The following FAM3B variants were observed in gnomAD, a reference collection of about 807,000 sequenced individuals.
The protein encoded by FAM3B is FAM3 metabolism regulating signaling molecule B.
Under a neutral mutation model 28.4 loss-of-function variants are expected in FAM3B, and 29 were observed. The observed-to-expected ratio is 1.02, with a 90% confidence interval of 0.76 to 1.39. FAM3B has a LOEUF of 1.39. Ranked by LOEUF, FAM3B falls within the 40% of genes most tolerant of loss-of-function variation. The pLI is 0.00. For missense variants in FAM3B, 266 were observed against 293.9 expected (o/e 0.91, Z 0.69); for synonymous variants, 91 against 103.0 (o/e 0.88, Z 0.71).
rs755575920 is a variant in FAM3B, at chr21:41,357,540, C to G, written c.*343C>G. On this transcript the variant is annotated 3_prime_UTR_variant, in exon 8 of 8. Coordinates refer to ENST00000357985, the MANE Select transcript of FAM3B (RefSeq NM_058186.4). ...TGACCCCTGTGTGGTCCAGACAGCCCTGCAGAGAGAAAACCTTTATTCCAT... is the reference window on the plus strand; with the variant it reads ...TGACCCCTGTGTGGTCCAGACAGCCGTGCAGAGAGAAAACCTTTATTCCAT... The G allele has an allele frequency of 6.0e-6, 1 of 166,258 alleles. No individual in the cohort carries two copies. Among genetic ancestry groups the G allele is most frequent in the Non-Finnish European group, 1.3e-5 (1 of 76,876 alleles). 10.3% of individuals were successfully genotyped at this position (166,258 alleles called of 1,614,324 possible).
At chr21:41,324,727 C>T (rs535622390) in intron 2 of FAM3B, among the ~76,000 whole-genome samples, 38 of 152,264 alleles carry the variant, frequency 2.5e-4, no homozygotes, top group African/African-American at 9.1e-4. Context: ...TCAGAGTCTA[C>T]TAGAGAAGAA....
upstream of FAM3B, among the ~76,000 whole-genome samples, chr21:41,313,270 C>A (rs988247330): frequency 6.6e-6 from 1 of 152,186 alleles, no homozygotes. Flanking sequence ...ATATATATAA[C>A]CCTATAACCT....
rs527743298 is a variant in FAM3B at position 41,305,565 on chromosome 21, C to T, written n.99+1255C>T. ...AGATATTGCAGATTTGGTTCTAGAC[C>T]ACTGCAATAAAGCCAATATCACAAT... On this transcript the variant is annotated intron_variant and non_coding_transcript_variant, in intron 1 of 9. Transcript: ENST00000479810. Among the ~76,000 whole-genome samples, 204 of 152,110 alleles carry T rather than the reference C, an allele frequency of 1.3e-3. 1 individual carries two copies. Among genetic ancestry groups the T allele is most frequent in the Non-Finnish European group, 2.7e-3 (181 of 68,020 alleles).
In FAM3B at chr21:41,306,702, A is replaced by G. The variant is rs190889771; in HGVS notation, n.99+2392A>G. Among the ~76,000 whole-genome samples, 14 of 152,268 alleles carry G rather than the reference A, an allele frequency of 9.2e-5. No homozygotes were observed. The East Asian group carries it at 2.7e-3, about 29-fold the overall frequency. ...GCTGTAAACAGACGGGCTGTCATCT[A>G]GGCTTTGTTTTTCCATTTCTGGACC... On this transcript the variant is annotated intron_variant and non_coding_transcript_variant, in intron 1 of 9. Transcript: ENST00000479810.
chr21:41,355,387 ATTAT>A (rs2089156377), intron 7 of FAM3B, among the ~76,000 whole-genome samples: 3 of 152,252 alleles, frequency 2.0e-5, no homozygotes, highest in Admixed American at 2.0e-4. Flanking sequence ...GCATAGCAAC[ATTAT>A]TTATAATAGC....
chr21:41,322,543 C>G (rs2088816224), intron 1 of FAM3B: 2 of 712,274 alleles, frequency 2.8e-6, no homozygotes, highest in Non-Finnish European at 5.2e-6. Context: ...GTGCTCAAAT[C>G]CAGTTGTGTC....
Position 41,317,310 on chromosome 21 carries a change from C to T in FAM3B, c.19+412C>T, listed in dbSNP as rs537031806. On this transcript the variant is annotated intron_variant, in intron 1 of 7. Coordinates refer to ENST00000357985, the MANE Select transcript of FAM3B (RefSeq NM_058186.4). The stretch of plus-strand genomic sequence containing the variant: ...CTTCCGGGGAAGGGTACGCGCCTGC[C>T]CCTGCCCCTGACCTTGCACGCCAGG... 4.4e-4 allele frequency among the ~76,000 whole-genome samples: 67 copies of T among 151,512 alleles called. 1 individual carries two copies. In the East Asian group the frequency reaches 0.012, roughly 28 times the overall value.
At chr21:41,356,062 C>T (rs960643299) in intron 7 of FAM3B, among the ~76,000 whole-genome samples, 1 of 150,186 alleles carries the variant, frequency 6.7e-6, no homozygotes, top group African/African-American at 2.5e-5. Flanking sequence ...CACACACACA[C>T]ACACACACAC....
chr21:41,313,015 CCTT>C (rs1470316517), upstream of FAM3B, among the ~76,000 whole-genome samples: 3 of 152,242 alleles, frequency 2.0e-5, no homozygotes, highest in Admixed American at 6.5e-5. Context: ...TCATCCTAGT[CCTT>C]CTGAAGGAGG....
chr21:41,346,676 G>GTT (rs559775653), intron 5 of FAM3B, among the ~76,000 whole-genome samples: 1 of 149,250 alleles, frequency 6.7e-6, no homozygotes, highest in African/African-American at 2.5e-5. Context: ...TCTAAGGAGG[G>GTT]TTTTTTTTTT....
chr21:41,355,549 G>A (rs1042347910), intron 7 of FAM3B, among the ~76,000 whole-genome samples: 1 of 124,386 alleles, frequency 8.0e-6, no homozygotes, highest in Non-Finnish European at 1.8e-5. Context: ...TTGAAAACAG[G>A]CTAAGTGAAA....
At chr21:41,351,143 A>G (rs1483550153) in intron 7 of FAM3B, among the ~76,000 whole-genome samples, 3 of 152,234 alleles carry the variant, frequency 2.0e-5, no homozygotes, top group Admixed American at 2.0e-4. Flanking sequence ...GTTCTTCATT[A>G]ATGTTTAAGT....
At chr21:41,347,150 G>A (rs2089068703) in intron 6 of FAM3B, 50 bp downstream of exon 6, 2 of 1,524,870 alleles carry the variant, frequency 1.3e-6, no homozygotes, top group Non-Finnish European at 1.8e-6. Context: ...AGCCAGCTGG[G>A]GCAGAGGCTG....
In FAM3B at chr21:41,353,319, A is replaced by G. The variant is rs140348844; in HGVS notation, c.619-3789A>G. ...AATTGACAAGTTCATCCTAAAATTCATATGGAAATTCAAGAGACTCAAATA... is the reference window on the plus strand; with the variant it reads ...AATTGACAAGTTCATCCTAAAATTCGTATGGAAATTCAAGAGACTCAAATA... On this transcript the variant is annotated intron_variant, in intron 7 of 7. Transcript: ENST00000357985. Among the ~76,000 whole-genome samples the G allele has an allele frequency of 3.0e-4, 45 of 152,366 alleles. 1 individual carries two copies. The East Asian group carries it at 8.3e-3, about 28-fold the overall frequency.
At chr21:41,306,989 A>G (rs527650764) in intron 1 of FAM3B, among the ~76,000 whole-genome samples, 1 of 152,354 alleles carries the variant, frequency 6.6e-6, no homozygotes, top group Non-Finnish European at 1.5e-5. Flanking sequence ...AGTCAGCCCT[A>G]ACAAAAGAGT....
At chr21:41,309,183 G>A (rs577260631) in intron 1 of FAM3B, among the ~76,000 whole-genome samples, 1 of 152,336 alleles carries the variant, frequency 6.6e-6, no homozygotes, top group Admixed American at 6.5e-5. Context: ...CCGCCTTCAG[G>A]ACTAGCTAGT....
At chr21:41,345,414 G>A (rs567322460) in intron 4 of FAM3B, among the ~76,000 whole-genome samples, 93 of 152,132 alleles carry the variant, frequency 6.1e-4, no homozygotes, top group Non-Finnish European at 1.1e-3. Context: ...TCTGTGAGAT[G>A]AGTTGGGTGG....
At chr21:41,345,863 T>C (rs972699156) in intron 5 of FAM3B, 127 bp downstream of exon 5, 1 of 673,414 alleles carries the variant, frequency 1.5e-6, no homozygotes, top group Admixed American at 2.3e-5. Flanking sequence ...CTCTCCTGAG[T>C]AATCTAGAGT....
intron 3 of FAM3B, among the ~76,000 whole-genome samples, chr21:41,340,504 C>T (rs933902723): frequency 1.1e-4 from 17 of 152,156 alleles, no homozygotes; most frequent in African/African-American, 4.1e-4. Context: ...CAGCATTAAT[C>T]CATTCAGGAG....
Sources: allele counts gnomAD v4.1 joint callset (sites outside exome capture counted in the v4.1 genomes callset), GRCh38; gene constraint gnomAD v4.1.1; transcripts MANE v1.5; gene names NCBI Gene and HGNC (gene_info 2026-07-23, HGNC 2026-07-21).